SBNO1: variants seen among roughly 807,000 people sequenced by gnomAD.
SBNO1 encodes protein strawberry notch homolog 1.
SBNO1 carries 23 observed loss-of-function variants against 173.6 expected under a neutral mutation model. The observed-to-expected ratio is 0.13, with a 90% CI of 0.10 to 0.19. SBNO1 has a LOEUF of 0.19. SBNO1 is among the 10% of genes least tolerant of loss of function. The pLI, the probability that SBNO1 is intolerant of heterozygous loss-of-function variation, is 1.00. For missense variants in SBNO1, 1,238 were observed against 1,671.2 expected, an observed-to-expected ratio of 0.74 and a Z score of 4.52; for synonymous variants, 632 against 571.5, an observed-to-expected ratio of 1.11 and a Z score of -1.51.
intron 30 of SBNO1, among the ~76,000 whole-genome samples, chr12:123,301,932 G>A (rs983727828): frequency 2.7e-5 from 4 of 149,540 alleles, no homozygotes; most frequent in South Asian, 2.1e-4. Flanking sequence ...GAAGGAGGGC[G>A]AAAAAGTGGT....
intron 21 of SBNO1, among the ~76,000 whole-genome samples, chr12:123,316,931 A>C (rs1417338815): frequency 6.6e-6 from 1 of 151,222 alleles, no homozygotes; most frequent in Admixed American, 6.6e-5. Flanking sequence ...TCAAACTATT[A>C]CCTCAAGTGA....
At position 123,319,909 on chromosome 12, in the gene SBNO1, A is replaced by G; in HGVS notation, c.2790T>C (p.Asp930=). ...TCTCAGTAAAACATACCTTATCTCC[A>G]TCCATAAATCGTTGTTTTTCTGTGA... The part of the protein sequence containing the change: ...LNITEKQRFM[D]GDKNIAIISE... The change falls in exon 20 of 32, where the codon GAT becomes GAC. Residue 930 remains aspartate, a synonymous_variant. Transcript: ENST00000602398. The G allele has an allele frequency of 6.2e-7, 1 of 1,613,688 alleles. No homozygotes were observed. Among genetic ancestry groups the G allele is most frequent in the East Asian group, 2.2e-5 (1 of 44,878 alleles).
intron 30 of SBNO1, among the ~76,000 whole-genome samples, chr12:123,299,688 AAAAAAAAAAAAC>A (rs1436395355): frequency 6.6e-6 from 1 of 150,618 alleles, no homozygotes; most frequent in Non-Finnish European, 1.5e-5. Context: ...CTTCAAAAAA[AAAAAAAAAAAAC>A]AAAAAAGCCA....
At chr12:123,330,554 T>C (rs766654564) in intron 8 of SBNO1, 45 bp from the exon 9 acceptor site, 12 of 1,095,966 alleles carry the variant, frequency 1.1e-5, no homozygotes, top group Non-Finnish European at 1.5e-5. Context: ...AATTATATCA[T>C]TCTAGAATTC....
chr12:123,327,001 T>TTTTTTG (rs370573671), intron 13 of SBNO1, among the ~76,000 whole-genome samples: 6 of 152,060 alleles, frequency 3.9e-5, no homozygotes, highest in East Asian at 1.9e-4. Flanking sequence ...TTTGTTTTTG[T>TTTTTTG]TTTTTGTTTT....
chr12:123,302,803 A>G (rs1403467536), intron 30 of SBNO1, 21 bp downstream of exon 30: 2 of 1,590,056 alleles, frequency 1.3e-6, no homozygotes, highest in Non-Finnish European at 1.7e-6. Flanking sequence ...AAAATTTGGT[A>G]GGAAACACGA....
In SBNO1 at chr12:123,296,021, G is replaced by C; in HGVS notation, c.4069C>G (p.Pro1357Ala). Residue 1357 changes from proline to alanine, a missense_variant, in exon 32 of 32, where the codon CCT (proline) becomes GCT (alanine). This residue lies in a region of SBNO1 where 351 missense variants were observed against 420.3 expected (regional missense o/e 0.84). Transcript: ENST00000602398. ...GLIIPANCVS[P>A]LVNLLSTSDQ... ...GAAGTTGATAGGAGATTTACAAGAGGAGACACACAATTTGCCGGAATGATC... is the reference window on the plus strand; with the variant it reads ...GAAGTTGATAGGAGATTTACAAGAGCAGACACACAATTTGCCGGAATGATC... 6.2e-7 allele frequency: 1 copy of C among 1,613,862 alleles called. No individual in the cohort carries two copies. The highest frequency in any genetic ancestry group is 8.5e-7 in the Non-Finnish European group (1 of 1,179,774).
At chr12:123,346,894 A>G (rs182280153) in intron 3 of SBNO1, among the ~76,000 whole-genome samples, 16 of 151,836 alleles carry the variant, frequency 1.1e-4, no homozygotes, top group Admixed American at 9.9e-4. Flanking sequence ...CATGGCCAAC[A>G]TGGTAAAACC....
chr12:123,364,634 G>GAGC (rs60536287), intron 1 of SBNO1, 67 bp downstream of exon 1: 8 of 983,184 alleles, frequency 8.1e-6, no homozygotes, highest in Non-Finnish European at 9.7e-6. Context: ...GCCCCCCGAG[G>GAGC]GTGGGAGTGG....
At chr12:123,317,600 C>T (rs900389047) in intron 20 of SBNO1, among the ~76,000 whole-genome samples, 2 of 152,150 alleles carry the variant, frequency 1.3e-5, no homozygotes, top group African/African-American at 4.8e-5. Context: ...TTCTCATCCC[C>T]TTGTCTCCTC....
rs1461231462 is a variant in SBNO1, at chr12:123,348,123, A to T, written c.143T>A (p.Leu48His). 4 of 1,602,188 alleles carry T rather than the reference A, an allele frequency of 2.5e-6. No homozygotes were observed. In the South Asian group the frequency reaches 4.4e-5, roughly 18 times the overall value. The change falls in exon 3 of 32, where the codon CTT (leucine) becomes CAT (histidine). Residue 48 changes from leucine (L) to histidine (H), a missense_variant. Coordinates refer to ENST00000602398, the MANE Select transcript of SBNO1 (RefSeq NM_001167856.3). ...CTCCAAACCTAGTTCTAATGCACTA[A>T]GTGGCACTGACTGGAGAGAAAACAA... ...PTPSVQQSVP[L>H]SALELGLETE...
chr12:123,321,701 T>C lies in SBNO1; in HGVS notation c.2157A>G (p.Ala719=), dbSNP rs1334298822. 2 of 1,614,154 alleles carry C rather than the reference T, an allele frequency of 1.2e-6. No homozygotes were observed. Among genetic ancestry groups the C allele is most frequent in the East Asian group, 4.5e-5 (2 of 44,880 alleles). The change falls in exon 17 of 32, where the codon GCA becomes GCG. Residue 719 remains alanine, a synonymous_variant. Coordinates refer to ENST00000602398, the MANE Select transcript of SBNO1 (RefSeq NM_001167856.3). ...TACCAGTAAGGCCACCTACTTTTCG[T>C]GCTTTTTTGGCTTCTCGAGTTATTT... The part of the protein sequence containing the change: ...GEEITREAKK[A]RKVGGLTGSS...
chr12:123,354,509 G>T (rs984107960), intron 1 of SBNO1, among the ~76,000 whole-genome samples: 1 of 152,112 alleles, frequency 6.6e-6, no homozygotes, highest in African/African-American at 2.4e-5. Context: ...AGGGGACAGA[G>T]AGAGAACATC....
chr12:123,289,778 T>C lies in SBNO1; in HGVS notation c.*6130A>G, dbSNP rs2048483999. On this transcript the variant is annotated 3_prime_UTR_variant, in exon 32 of 32. Coordinates refer to ENST00000602398, the MANE Select transcript of SBNO1 (RefSeq NM_001167856.3). Reference sequence around the variant, plus strand: ...TTCTGATAGCGGTGAGACTGCAATGTGCTATGTAGAAAAAAAGCTCTCTCT... The same window carrying C: ...TTCTGATAGCGGTGAGACTGCAATGCGCTATGTAGAAAAAAAGCTCTCTCT... 1 of 152,252 alleles carries C rather than the reference T, an allele frequency of 6.6e-6. No homozygotes were observed. The highest frequency in any genetic ancestry group is 2.1e-4 in the South Asian group (1 of 4,838). 9.4% of individuals were successfully genotyped at this position (152,252 alleles called of 1,614,324 possible). A position where few individuals can be genotyped will look rare whatever the true frequency, so the allele number is the denominator to read the frequency against.
chr12:123,356,817 A>T (rs1309717759), intron 1 of SBNO1, among the ~76,000 whole-genome samples: 1 of 152,224 alleles, frequency 6.6e-6, no homozygotes, highest in Non-Finnish European at 1.5e-5. Flanking sequence ...TTGACCAATC[A>T]GTTACTAAAT....
chr12:123,295,715 T>C lies in SBNO1; in HGVS notation c.*193A>G. ...CAGGGGAGAAGCTAAAGGAAAGACA[T>C]ATGTACCACCATCAGCACTGCTGAT... is the stretch of plus-strand genomic sequence containing the variant. On this transcript the variant is annotated 3_prime_UTR_variant, in exon 32 of 32. Coordinates refer to ENST00000602398, the MANE Select transcript of SBNO1 (RefSeq NM_001167856.3). 3.1e-6 allele frequency: 2 copies of C among 642,352 alleles called. No individual in the cohort carries two copies. Among genetic ancestry groups the C allele is most frequent in the Non-Finnish European group, 5.4e-6 (2 of 367,446 alleles). The allele number at this position is 642,352 out of a possible 1,614,324, so 39.8% of individuals were successfully genotyped here. A position where few individuals can be genotyped will look rare whatever the true frequency, so the allele number is the denominator to read the frequency against.
At chr12:123,351,606 C>T (rs746740305) in intron 1 of SBNO1, among the ~76,000 whole-genome samples, 5 of 151,878 alleles carry the variant, frequency 3.3e-5, no homozygotes, top group Non-Finnish European at 5.9e-5. Context: ...AGAGTAAGAC[C>T]CCCAACTCAA....
intron 6 of SBNO1, among the ~76,000 whole-genome samples, chr12:123,334,534 C>G (rs554543125): frequency 6.6e-6 from 1 of 152,018 alleles, no homozygotes; most frequent in African/African-American, 2.4e-5. Context: ...ACAGCAAATC[C>G]CTGTCTCTAC....
intron 9 of SBNO1, among the ~76,000 whole-genome samples, chr12:123,329,725 A>C (rs1403071021): frequency 1.3e-5 from 2 of 152,178 alleles, no homozygotes; most frequent in Admixed American, 1.3e-4. Context: ...GTTTAGGGCA[A>C]CACTGAATTC....
Sources: gnomAD v4.1 joint callset for allele counts (sites outside exome capture counted in the v4.1 genomes callset) on GRCh38, gnomAD v4.1.1 for gene constraint, gnomAD v4.1.1 regional missense constraint, MANE v1.5 for transcripts, NCBI Gene and HGNC (gene_info 2026-07-23, HGNC 2026-07-21) for gene names.